Variants in SOHLH2 observed in about 807,000 individuals in gnomAD.
The protein encoded by SOHLH2 is spermatogenesis- and oogenesis-specific basic helix-loop-helix-containing protein 2.
SOHLH2 carries 22 observed loss-of-function variants against 50.4 expected under a neutral mutation model. The observed-to-expected ratio is 0.44, with a 90% CI of 0.31 to 0.62. The LOEUF (loss-of-function observed/expected upper bound fraction) is 0.62, where lower values mean the gene tolerates loss of function less well. Ranked by LOEUF, SOHLH2 falls within the 20% of genes least tolerant of loss-of-function variation. SOHLH2 has a pLI of 0.08. For missense variants in SOHLH2, 412 were observed against 504.4 expected, an observed-to-expected ratio of 0.82 and a Z score of 1.76; for synonymous variants, 185 against 187.3, an observed-to-expected ratio of 0.99 and a Z score of 0.10.
Position 36,173,765 on chromosome 13 carries a change from T to C in SOHLH2, c.927A>G (p.Gln309=). ...MSTYSPERGL[Q]FLTNTCWNGC... is the part of the protein sequence containing the mutation. ...CATTCCAGCACGTATTAGTCAGGAA[T>C]TGGAGCCCTCTCTCAGGGGAGTAAG... The change falls in exon 9 of 11, where the codon CAA becomes CAG. Residue 309 remains glutamine (Q), a synonymous_variant. Transcript: ENST00000379881. 1.2e-6 allele frequency: 2 copies of C among 1,614,068 alleles called. No individual in the cohort carries two copies. Among genetic ancestry groups the C allele is most frequent in the Non-Finnish European group, 1.7e-6 (2 of 1,180,034 alleles).
chr13:36,193,536 T>C, intron 4 of SOHLH2, 85 bp downstream of exon 4: 1 of 1,375,458 alleles, frequency 7.3e-7, no homozygotes, highest in Non-Finnish European at 9.8e-7. Context: ...TTATTTTATT[T>C]ATGCTTGTTT....
chr13:36,179,128 AT>A (rs1428106508), intron 6 of SOHLH2, among the ~76,000 whole-genome samples: 1 of 152,018 alleles, frequency 6.6e-6, no homozygotes, highest in Non-Finnish European at 1.5e-5. Context: ...AATGGCTAGG[AT>A]TATTTATTTG....
chr13:36,173,707 C>G lies in SOHLH2; in HGVS notation c.985G>C (p.Asp329His). The change falls in exon 9 of 11, where the codon GAT becomes CAT. Residue 329 changes from aspartate (D) to histidine (H), a missense_variant. By Grantham distance (81) the Asp-to-His change is moderately conservative. Coordinates refer to ENST00000379881, the MANE Select transcript of SOHLH2 (RefSeq NM_017826.3). ...AGAAGCTCACCTCTCACAGCTTCAT[C>G]CAAGGAGCTCTCTGCATCAGGAGTG... Reference protein sequence around the residue: ...CSTPDAESSLDEAVRVPSSSA... With the variant: ...CSTPDAESSLHEAVRVPSSSA... 2 of 1,613,168 alleles carry G rather than the reference C, an allele frequency of 1.2e-6. No individual in the cohort carries two copies. The highest frequency in any genetic ancestry group is 1.9e-4 in the Middle Eastern group (1 of 5,328).
In SOHLH2 at chr13:36,202,167, AAGAT is replaced by A; in HGVS notation, c.49-78_49-75del. ...GGGAAAATGTCATGTATGAGAGGATAAGATAAATAAAGCTCACAAATAACACAAC... is the reference window on the plus strand; with the variant it reads ...GGGAAAATGTCATGTATGAGAGGATAAAATAAAGCTCACAAATAACACAAC... On this transcript the variant is annotated intron_variant, in intron 1 of 10. Coordinates refer to ENST00000379881, the MANE Select transcript of SOHLH2 (RefSeq NM_017826.3). The A allele has an allele frequency of 2.6e-6, 4 of 1,539,096 alleles. No homozygotes were observed. In the East Asian group the frequency reaches 9.2e-5, roughly 36 times the overall value.
intron 6 of SOHLH2, among the ~76,000 whole-genome samples, chr13:36,175,340 C>A (rs1408036842): frequency 1.3e-5 from 2 of 152,216 alleles, no homozygotes; most frequent in East Asian, 3.9e-4. Context: ...GGACCTAGAC[C>A]ACATTTCCAA....
intron 6 of SOHLH2, among the ~76,000 whole-genome samples, chr13:36,185,589 G>GA (rs1186846941): frequency 1.3e-5 from 2 of 151,566 alleles, no homozygotes; most frequent in South Asian, 2.1e-4. Context: ...CTGCTTCACT[G>GA]AAAAAAAATC....
chr13:36,182,023 T>C (rs1887269970), intron 6 of SOHLH2: 2 of 975,896 alleles, frequency 2.0e-6, no homozygotes, highest in Non-Finnish European at 2.4e-6. Flanking sequence ...AGTTTTCTAA[T>C]TTATTAATGT....
intron 4 of SOHLH2, 99 bp from the exon 5 acceptor site, chr13:36,191,993 T>C: frequency 2.4e-6 from 3 of 1,259,324 alleles, no homozygotes; most frequent in Non-Finnish European, 3.3e-6. Flanking sequence ...AGTTGTCTTT[T>C]ACTCAATAGA....
At chr13:36,181,548 A>C (rs938499233) in intron 6 of SOHLH2, among the ~76,000 whole-genome samples, 2 of 152,166 alleles carry the variant, frequency 1.3e-5, no homozygotes, top group Non-Finnish European at 2.9e-5. Context: ...CATAGTCTAG[A>C]GTTAATACTT....
At chr13:36,176,406 A>AAC (rs1266829614) in intron 6 of SOHLH2, among the ~76,000 whole-genome samples, 8 of 152,328 alleles carry the variant, frequency 5.3e-5, no homozygotes, top group African/African-American at 1.4e-4. Flanking sequence ...TTATACAGTG[A>AAC]ACACCTATAC....
At chr13:36,197,343 T>C (rs1009603331) in intron 2 of SOHLH2, among the ~76,000 whole-genome samples, 1 of 152,188 alleles carries the variant, frequency 6.6e-6, no homozygotes, top group African/African-American at 2.4e-5. Flanking sequence ...TCGCTCAACC[T>C]GCAGCAGTAC....
intron 2 of SOHLH2, among the ~76,000 whole-genome samples, chr13:36,194,243 C>A (rs536681452): frequency 2.6e-4 from 39 of 151,450 alleles, no homozygotes; most frequent in African/African-American, 7.8e-4. Flanking sequence ...AATTAAAGAA[C>A]AAGACAAGAA....
At position 36,193,737 on chromosome 13, in the gene SOHLH2, T is replaced by C. The variant is rs778363081; in HGVS notation, c.326-12A>G. 47 of 1,607,218 alleles carry C rather than the reference T, an allele frequency of 2.9e-5. No homozygotes were observed. In the South Asian group the frequency reaches 3.0e-4, roughly 10 times the overall value. The stretch of plus-strand genomic sequence containing the variant: ...CCCTGAAATACAACCTAAGAATCTT[T>C]ATATTAAATATTGACCTTATAGTTT... On this transcript the variant is annotated splice_polypyrimidine_tract_variant and intron_variant, in intron 3 of 10. Transcript: ENST00000379881.
chr13:36,188,794 CTA>C (rs1566040243), intron 6 of SOHLH2, among the ~76,000 whole-genome samples: 3 of 152,168 alleles, frequency 2.0e-5, no homozygotes, highest in Non-Finnish European at 4.4e-5. Context: ...CTTTTCTCCA[CTA>C]GTCCCTTCTC....
intron 4 of SOHLH2, among the ~76,000 whole-genome samples, chr13:36,192,416 G>A (rs1212867342): frequency 3.3e-5 from 5 of 152,096 alleles, no homozygotes; most frequent in Admixed American, 6.6e-5. Context: ...AATAAGAAGA[G>A]GTTGCAAAAG....
At chr13:36,187,870 A>G (rs1435518862) in intron 6 of SOHLH2, among the ~76,000 whole-genome samples, 1 of 152,098 alleles carries the variant, frequency 6.6e-6, no homozygotes, top group Non-Finnish European at 1.5e-5. Flanking sequence ...CCTCCCACTG[A>G]CAGGTGGGGT....
chr13:36,175,332 A>G (rs907599784), intron 6 of SOHLH2, among the ~76,000 whole-genome samples: 1 of 152,236 alleles, frequency 6.6e-6, no homozygotes, highest in Middle Eastern at 3.2e-3. Flanking sequence ...TGTCACTGGG[A>G]CCTAGACCAC....
At chr13:36,191,933 CA>C in intron 4 of SOHLH2, 39 bp from the exon 5 acceptor site, 1 of 1,609,548 alleles carries the variant, frequency 6.2e-7, no homozygotes, top group Middle Eastern at 1.7e-4. Flanking sequence ...TTTCTGAAGT[CA>C]CTTAAGGAGA....
chr13:36,210,510 C>A (rs925272352), intron 1 of SOHLH2, among the ~76,000 whole-genome samples: 3 of 151,946 alleles, frequency 2.0e-5, no homozygotes, highest in African/African-American at 4.8e-5. Flanking sequence ...CTATGCATTG[C>A]ATTTGGTTGT....
Sources: gnomAD v4.1 joint callset for allele counts (sites outside exome capture counted in the v4.1 genomes callset) on GRCh38, gnomAD v4.1.1 for gene constraint, MANE v1.5 for transcripts, NCBI Gene and HGNC (gene_info 2026-07-23, HGNC 2026-07-21) for gene names.